ACSM3: variants seen among roughly 807,000 people sequenced by gnomAD.
The protein encoded by ACSM3 is acyl-CoA synthetase medium chain family member 3.
Under a neutral mutation model 74.1 loss-of-function variants are expected in ACSM3, and 61 were observed. The ratio of observed to expected loss-of-function variants is 0.82; its 90% CI spans 0.67 to 1.02. The LOEUF (loss-of-function observed/expected upper bound fraction) is 1.02. ACSM3 is among the 50% of genes least tolerant of loss of function. ACSM3 has a pLI of 0.00. For missense variants in ACSM3, 660 were observed against 697.0 expected, an observed-to-expected ratio of 0.95 and a Z score of 0.60; for synonymous variants, 213 against 241.5, an observed-to-expected ratio of 0.88 and a Z score of 1.09.
intron 1 of ACSM3, chr16:20,741,479 C>CGGGGGGGGGGGGGGGGGG: frequency 1.1e-5 from 15 of 1,329,522 alleles, no homozygotes; most frequent in East Asian, 3.1e-5. Flanking sequence ...GCCTGGCAGC[C>CGGGGGGGGGGGGGGGGGG]GGCCCGCCCG....
chr16:20,731,996 AAAGCACAGTGGCC>A (rs1196692683), intron 1 of ACSM3, among the ~76,000 whole-genome samples: 2 of 152,194 alleles, frequency 1.3e-5, no homozygotes, highest in African/African-American at 4.8e-5. Context: ...CTGTATAAGA[AAAGCACAGTGGCC>A]AAGAATGGCC....
intron 1 of ACSM3, among the ~76,000 whole-genome samples, chr16:20,722,809 T>C (rs185489613): frequency 2.6e-5 from 4 of 152,332 alleles, no homozygotes; most frequent in Admixed American, 2.0e-4. Flanking sequence ...AAGATTAATA[T>C]ATATACATTC....
At chr16:20,738,721 C>T (rs891031230) in intron 1 of ACSM3, 22 of 673,148 alleles carry the variant, frequency 3.3e-5, no homozygotes, top group Non-Finnish European at 4.8e-5. Context: ...GCCAATGCTA[C>T]GTCCACCACC....
At chr16:20,742,298 G>A (rs894099847) in intron 1 of ACSM3, among the ~76,000 whole-genome samples, 1 of 152,112 alleles carries the variant, frequency 6.6e-6, no homozygotes, top group African/African-American at 2.4e-5. Context: ...ACCTTTATGT[G>A]TTCCTTGAGC....
At chr16:20,711,820 C>T (rs1364436854) in intron 1 of ACSM3, 1 of 326,488 alleles carries the variant, frequency 3.1e-6, no homozygotes, top group Non-Finnish European at 6.0e-6. Context: ...TACCTAATAA[C>T]CAGATTTAAG....
At chr16:20,705,780 T>C (rs2079725673) in intron 1 of ACSM3, among the ~76,000 whole-genome samples, 1 of 152,012 alleles carries the variant, frequency 6.6e-6, no homozygotes, top group East Asian at 1.9e-4. Flanking sequence ...GACTCAGATG[T>C]TGGAATTAGT....
intron 3 of ACSM3, among the ~76,000 whole-genome samples, chr16:20,758,308 C>T (rs2080048071): frequency 6.6e-6 from 1 of 152,216 alleles, no homozygotes; most frequent in African/African-American, 2.4e-5. Flanking sequence ...GCCACAATTT[C>T]AGATCCTGTT....
chr16:20,739,615 G>A (rs1400424076), intron 1 of ACSM3, among the ~76,000 whole-genome samples: 2 of 151,924 alleles, frequency 1.3e-5, no homozygotes, highest in Non-Finnish European at 2.9e-5. Context: ...GAGGTCAGAA[G>A]TTCGAGACCA....
chr16:20,776,531 A>T (rs1004305017), intron 3 of ACSM3, among the ~76,000 whole-genome samples: 4 of 152,234 alleles, frequency 2.6e-5, no homozygotes, highest in Non-Finnish European at 5.9e-5. Context: ...GGTGGGGCCC[A>T]GGAGGAAGAT....
At chr16:20,745,880 C>T (rs2079955629) in intron 1 of ACSM3, among the ~76,000 whole-genome samples, 1 of 152,204 alleles carries the variant, frequency 6.6e-6, no homozygotes, top group Non-Finnish European at 1.5e-5. Context: ...ACCTTGCTCC[C>T]CATCCACACT....
intron 1 of ACSM3, among the ~76,000 whole-genome samples, chr16:20,769,576 G>C (rs2080166443): frequency 6.6e-6 from 1 of 152,232 alleles, no homozygotes; most frequent in Non-Finnish European, 1.5e-5. Context: ...ATCTGCAGGT[G>C]AAAGATATTA....
At chr16:20,708,041 C>T (rs2079732870) in intron 1 of ACSM3, among the ~76,000 whole-genome samples, 1 of 152,232 alleles carries the variant, frequency 6.6e-6, no homozygotes, top group South Asian at 2.1e-4. Flanking sequence ...TGGTTCATGC[C>T]TGTAATCCCA....
At chr16:20,796,229 G>A (rs1403298244) in intron 12 of ACSM3, 141 bp from the exon 13 acceptor site, 5 of 1,387,290 alleles carry the variant, frequency 3.6e-6, no homozygotes, top group South Asian at 3.0e-5. Context: ...TGGCTTAAGA[G>A]CACAGAGCTG....
intron 9 of ACSM3, chr16:20,786,430 C>G: frequency 1.7e-6 from 1 of 571,430 alleles, no homozygotes; most frequent in Non-Finnish European, 2.6e-6. Flanking sequence ...CCTGTAATCC[C>G]AACACTTTGG....
upstream of ACSM3, among the ~76,000 whole-genome samples, chr16:20,762,449 T>C (rs2080085442): frequency 6.6e-6 from 1 of 152,102 alleles, no homozygotes; most frequent in Admixed American, 6.5e-5. Flanking sequence ...CCTGTGAAAC[T>C]ATCATAAAAG....
rs556964907 is a variant in ACSM3 at position 20,768,607 on chromosome 16, G to T, written c.-51-1377G>T. Among the ~76,000 whole-genome samples the T allele has an allele frequency of 1.3e-3, 200 of 152,170 alleles. 1 individual carries two copies. Among genetic ancestry groups the T allele is most frequent in the Admixed American group, 2.7e-3 (42 of 15,286 alleles). ...CCCAGAGCCCACTCTGAAATATTCT[G>T]ATTTAATTGATCCAAGACCTAGGCA... On this transcript the variant is annotated intron_variant, in intron 1 of 13. Transcript: ENST00000289416.
chr16:20,691,129 G>A, intron 1 of ACSM3: 1 of 1,613,154 alleles, frequency 6.2e-7, no homozygotes, highest in South Asian at 1.1e-5. Flanking sequence ...GGGCAGGGTG[G>A]ATGTTGTGGA....
chr16:20,792,627 C>G, intron 12 of ACSM3: 2 of 985,358 alleles, frequency 2.0e-6, no homozygotes, highest in Non-Finnish European at 2.4e-6. Context: ...AACCCAGGCT[C>G]ACGTCAGGAT....
At chr16:20,742,813 A>ATATATATT (rs61582869) in intron 1 of ACSM3, among the ~76,000 whole-genome samples, 882 of 66,700 alleles carry the variant, frequency 0.013, 6 homozygotes, top group East Asian at 0.033. Flanking sequence ...ATATATATAT[A>ATATATATT]TTTTTTTTTT....
Sources: allele counts gnomAD v4.1 joint callset (sites outside exome capture counted in the v4.1 genomes callset), GRCh38; gene constraint gnomAD v4.1.1; transcripts MANE v1.5; gene names NCBI Gene and HGNC (gene_info 2026-07-23, HGNC 2026-07-21).